Variants in CDHR5 observed in about 807,000 individuals in gnomAD.
CDHR5 encodes the protein cadherin related family member 5, also known as cadherin-related family member 5.
CDHR5 carries 82 observed loss-of-function variants against 69.5 expected under a neutral mutation model. The ratio of observed to expected loss-of-function variants is 1.18; its 90% CI spans 0.99 to 1.42. The LOEUF (loss-of-function observed/expected upper bound fraction) is 1.42. Among genes scored for constraint, CDHR5 ranks in the 40% most tolerant of loss-of-function variants. The probability of loss-of-function intolerance (pLI) is 0.00; values close to 1 mark genes in which losing one functional copy is unlikely to be tolerated. For synonymous variants in CDHR5, 601 were observed against 510.2 expected, an observed-to-expected ratio of 1.18 and a Z score of -2.40; for missense variants, 1,293 against 1,168.9, an observed-to-expected ratio of 1.11 and a Z score of -1.55.
At position 624,782 on chromosome 11, in the gene CDHR5, G is replaced by A. The variant is rs771823611; in HGVS notation, c.85+36C>T. The A allele has an allele frequency of 1.5e-5, 24 of 1,603,936 alleles. No individual in the cohort carries two copies. Among genetic ancestry groups the A allele is most frequent in the Non-Finnish European group, 1.9e-5 (22 of 1,173,974 alleles). Reference sequence around the variant, plus strand: ...AGTGCCTCCCAGCCCCTGGCTCCCCGCCGCCCGTGCCCCACCTACCCCTGC... The same window carrying A: ...AGTGCCTCCCAGCCCCTGGCTCCCCACCGCCCGTGCCCCACCTACCCCTGC... On this transcript the variant is annotated intron_variant, in intron 1 of 14. Transcript: ENST00000397542. The surrounding 1 kb of genome is among the most constrained non-coding windows in gnomAD (Gnocchi z 5.3).
Position 621,502 on chromosome 11 carries a change from G to C in CDHR5, c.508-47C>G. 1 of 1,592,230 alleles carries C rather than the reference G, an allele frequency of 6.3e-7. No individual in the cohort carries two copies. Among genetic ancestry groups the C allele is most frequent in the Non-Finnish European group, 8.6e-7 (1 of 1,160,376 alleles). On this transcript the variant is annotated intron_variant, in intron 5 of 14. Transcript: ENST00000397542. This position sits in a 1 kb window ranked among gnomAD's most constrained non-coding sequence, Gnocchi z 4.4. ...AGAGCCTAAGAGCCTTGGAGGGCGA[G>C]GGCGGCTGTGGGTGTCAGAGGCGAG...
rs763708001 is a variant in CDHR5, at chr11:617,485, C to T, written c.2404G>A (p.Asp802Asn). ...WFGEDIGTEA[D>N]VVVLNAPTLD... The stretch of plus-strand genomic sequence containing the variant: ...GTGGGCGCGTTGAGAACGACCACGT[C>T]TGCCTCCGTCCCGATGTCCTCGCCA... Residue 802 changes from aspartate (D) to asparagine (N), a missense_variant, in exon 15 of 15, where the codon GAC becomes AAC. Asp to Asn is a conservative substitution (Grantham distance 23). Coordinates refer to ENST00000397542, the MANE Select transcript of CDHR5 (RefSeq NM_021924.5). 1 of 1,612,748 alleles carries T rather than the reference C, an allele frequency of 6.2e-7. No homozygotes were observed. Among genetic ancestry groups the T allele is most frequent in the Non-Finnish European group, 8.5e-7 (1 of 1,179,868 alleles).
At position 619,407 on chromosome 11, in the gene CDHR5, C is replaced by T. The variant is rs750918570; in HGVS notation, c.1294-17G>A. 12 of 1,611,070 alleles carry T rather than the reference C, an allele frequency of 7.4e-6. No individual in the cohort carries two copies. In the South Asian group the frequency reaches 1.3e-4, roughly 18 times the overall value. ...GGCCTCAACCTGGGGCAGGAAGGGGCTTGTCCCTCCTAGACACATCTTTAA... is the reference window on the plus strand; with the variant it reads ...GGCCTCAACCTGGGGCAGGAAGGGGTTTGTCCCTCCTAGACACATCTTTAA... On this transcript the variant is annotated splice_polypyrimidine_tract_variant and intron_variant, in intron 11 of 14. Coordinates refer to ENST00000397542, the MANE Select transcript of CDHR5 (RefSeq NM_021924.5).
rs757156059 is a variant in CDHR5, at chr11:617,446, C to G, written c.2443G>C (p.Gly815Arg). The G allele has an allele frequency of 3.7e-5, 60 of 1,612,414 alleles. No homozygotes were observed. Among genetic ancestry groups the G allele is most frequent in the Non-Finnish European group, 4.2e-6 (5 of 1,179,728 alleles). ...VLNAPTLDVD[G>R]ASDSGSGDEG... ...TCGCCGCTGCCGGAGTCACTGGCGC[C>G]ATCCACGTCCAGGGTGGGCGCGTTG... The change falls in exon 15 of 15, where the codon GGC (glycine) becomes CGC (arginine). Residue 815 changes from glycine (G) to arginine (R), a missense_variant. Gly to Arg is a moderately radical substitution (Grantham distance 125, BLOSUM62 -2). Transcript: ENST00000397542.
At position 624,036 on chromosome 11, in the gene CDHR5, G is replaced by A. The variant is rs901058433; in HGVS notation, c.312+177C>T. 2.0e-5 allele frequency among the ~76,000 whole-genome samples: 3 copies of A among 152,042 alleles called. No homozygotes were observed. Among genetic ancestry groups the A allele is most frequent in the Non-Finnish European group, 2.9e-5 (2 of 67,978 alleles). Reference sequence around the variant, plus strand: ...GTCTGCTGGACAAGGGGTCAGTGACGGGGACTCCACAGCTCAGGGCAGAGT... The same window carrying A: ...GTCTGCTGGACAAGGGGTCAGTGACAGGGACTCCACAGCTCAGGGCAGAGT... On this transcript the variant is annotated intron_variant, in intron 3 of 14. Coordinates refer to ENST00000397542, the MANE Select transcript of CDHR5 (RefSeq NM_021924.5). The surrounding 1 kb of genome is among the most constrained non-coding windows in gnomAD (Gnocchi z 5.3).
chr11:620,527 A>G (rs1857311754), intron 7 of CDHR5, 141 bp from the exon 8 acceptor site: 3 of 598,192 alleles, frequency 5.0e-6, no homozygotes, highest in African/African-American at 3.7e-5. Flanking sequence ...CTGCCTGCCT[A>G]GGACAGTCCC....
chr11:618,399 C>T lies in CDHR5; in HGVS notation c.1960+200G>A, dbSNP rs117609058. Among the ~76,000 whole-genome samples the T allele has an allele frequency of 3.9e-4, 59 of 152,360 alleles. No individual in the cohort carries two copies. The East Asian group carries it at 7.7e-3, about 20-fold the overall frequency. ...GAATCGTGGGATTCGCTGGACCCCA[C>T]ATCTGGCCTCTGTCCTACACACATC... On this transcript the variant is annotated intron_variant, in intron 13 of 14. Transcript: ENST00000397542.
intron 3 of CDHR5, among the ~76,000 whole-genome samples, 175 bp from the exon 4 acceptor site, chr11:622,079 C>G (rs1392696786): frequency 6.6e-6 from 1 of 151,428 alleles, no homozygotes; most frequent in African/African-American, 2.4e-5. Flanking sequence ...GTGAGGTGCA[C>G]CCCTCAACGG....
rs1857343462 is a variant in CDHR5, at chr11:621,014, G to A, written c.789+66C>T. ...ACCCCGCCCTTCCTCTCCTGATCCT[G>A]GCCGTCCCTGTGTCCAGCCTGCCTA... On this transcript the variant is annotated intron_variant, in intron 7 of 14. Coordinates refer to ENST00000397542, the MANE Select transcript of CDHR5 (RefSeq NM_021924.5). This position sits in a 1 kb window ranked among gnomAD's most constrained non-coding sequence, Gnocchi z 4.4. 8.7e-7 allele frequency: 1 copy of A among 1,144,318 alleles called. No individual in the cohort carries two copies. The highest frequency in any genetic ancestry group is 1.6e-5 in the African/African-American group (1 of 63,778). The allele number at this position is 1,144,318 out of a possible 1,614,324, so 70.9% of individuals were successfully genotyped here. A position where few individuals can be genotyped will look rare whatever the true frequency, so the allele number is the denominator to read the frequency against.
In CDHR5 at chr11:617,644, G is replaced by A. The variant is rs1371905105; in HGVS notation, c.2245C>T (p.Pro749Ser). 2 of 1,557,316 alleles carry A rather than the reference G, an allele frequency of 1.3e-6. No homozygotes were observed. Among genetic ancestry groups the A allele is most frequent in the Non-Finnish European group, 8.7e-7 (1 of 1,154,118 alleles). ...AEAPMPAEPA[P>S]PGPASPGGAP... is the part of the protein sequence containing the mutation. ...CCGCCTGGGGAGGCAGGGCCGGGGGGTGCGGGCTCTGCGGGCATCGGTGCC... is the reference window on the plus strand; with the variant it reads ...CCGCCTGGGGAGGCAGGGCCGGGGGATGCGGGCTCTGCGGGCATCGGTGCC... Residue 749 changes from proline to serine, a missense_variant, in exon 15 of 15, where the codon CCC becomes TCC. By Grantham distance (74) the Pro-to-Ser change is moderately conservative. Transcript: ENST00000397542.
rs1371905105 is a variant in CDHR5, at chr11:617,644, G to T, written c.2245C>A (p.Pro749Thr). Residue 749 changes from proline to threonine, a missense_variant, in exon 15 of 15, where the codon CCC becomes ACC. Coordinates refer to ENST00000397542, the MANE Select transcript of CDHR5 (RefSeq NM_021924.5). ...AEAPMPAEPA[P>T]PGPASPGGAP... Reference sequence around the variant, plus strand: ...CCGCCTGGGGAGGCAGGGCCGGGGGGTGCGGGCTCTGCGGGCATCGGTGCC... The same window carrying T: ...CCGCCTGGGGAGGCAGGGCCGGGGGTTGCGGGCTCTGCGGGCATCGGTGCC... 7.1e-6 allele frequency: 11 copies of T among 1,557,200 alleles called. No homozygotes were observed. In the South Asian group the frequency reaches 9.3e-5, roughly 13 times the overall value.
chr11:619,725 G>A lies in CDHR5; in HGVS notation c.1135C>T (p.Pro379Ser). 1 of 1,612,916 alleles carries A rather than the reference G, an allele frequency of 6.2e-7. No individual in the cohort carries two copies. The highest frequency in any genetic ancestry group is 8.5e-7 in the Non-Finnish European group (1 of 1,179,994). The change falls in exon 10 of 15, where the codon CCT (proline) becomes TCT (serine). Residue 379 changes from proline (P) to serine (S), a missense_variant. Coordinates refer to ENST00000397542, the MANE Select transcript of CDHR5 (RefSeq NM_021924.5). ...AGVVVKDAAA[P>S]SQPLRIQAQD... ...GCCTGGATCCTCAGAGGCTGAGAAG[G>A]GGCAGCTGCATCCTTGACCACAACG...
At position 617,970 on chromosome 11, in the gene CDHR5, C is replaced by A. The variant is rs1288940650; in HGVS notation, c.2102G>T (p.Cys701Phe). ...GGGCCTCACCGGAGCTTTGCCACAG[C>A]AGCACTTGAGCCGGGGGCCATAGTG... ...HKHYGPRLKCCCGKAPEPQPQ... is the reference protein window; with the variant it reads ...HKHYGPRLKCFCGKAPEPQPQ... Residue 701 changes from cysteine (C) to phenylalanine (F), a missense_variant, in exon 14 of 15, where the codon TGC becomes TTC. Physicochemically the swap from Cys to Phe is radical, Grantham distance 205 (BLOSUM62 -2). Transcript: ENST00000397542. The A allele has an allele frequency of 1.2e-6, 2 of 1,611,702 alleles. No individual in the cohort carries two copies. Among genetic ancestry groups the A allele is most frequent in the Non-Finnish European group, 1.7e-6 (2 of 1,179,662 alleles).
Position 623,741 on chromosome 11 carries a change from G to C in CDHR5, c.312+472C>G, listed in dbSNP as rs554386605. ...CGTGGAGTGGACTGGGGCCAGCAAA[G>C]GGCAACAGGGAAGCCGGTGGGCCAG... On this transcript the variant is annotated intron_variant, in intron 3 of 14. Transcript: ENST00000397542. Among the ~76,000 whole-genome samples, 88 of 152,274 alleles carry C rather than the reference G, an allele frequency of 5.8e-4. No homozygotes were observed. In the South Asian group the frequency reaches 8.1e-3, roughly 14 times the overall value.
intron 7 of CDHR5, 84 bp downstream of exon 7, chr11:620,996 C>CCCCCCCCCCCAA: frequency 1.9e-6 from 2 of 1,032,878 alleles, no homozygotes; most frequent in Non-Finnish European, 2.7e-6. Context: ...CCGACCCCGC[C>CCCCCCCCCCCAA]CTTCCTCTCC....
At position 618,553 on chromosome 11, in the gene CDHR5, G is replaced by C. The variant is rs781718945; in HGVS notation, c.1960+46C>G. The C allele has an allele frequency of 2.3e-5, 37 of 1,603,238 alleles. No individual in the cohort carries two copies. In the South Asian group the frequency reaches 4.0e-4, roughly 17 times the overall value. On this transcript the variant is annotated intron_variant, in intron 13 of 14. Coordinates refer to ENST00000397542, the MANE Select transcript of CDHR5 (RefSeq NM_021924.5). The stretch of plus-strand genomic sequence containing the variant: ...CCTTCCTACAGCGTTTCCCATACCA[G>C]CCAATGACCGGAGTCAGGGAGGGAA...
In CDHR5 at chr11:620,127, C is replaced by A; in HGVS notation, c.918G>T (p.Ser306=). Residue 306 remains serine, a synonymous_variant, in exon 9 of 15, where the codon TCG becomes TCT. Coordinates refer to ENST00000397542, the MANE Select transcript of CDHR5 (RefSeq NM_021924.5). ...VNGTFIIHPD[S]GNLTVARSVP... Reference sequence around the variant, plus strand: ...CACTCCTGGCCACGGTGAGGTTGCCCGAGTCTGGGTGGATGATGAATGTAC... The same window carrying A: ...CACTCCTGGCCACGGTGAGGTTGCCAGAGTCTGGGTGGATGATGAATGTAC... The A allele has an allele frequency of 6.2e-7, 1 of 1,613,364 alleles. No homozygotes were observed. Among genetic ancestry groups the A allele is most frequent in the Non-Finnish European group, 8.5e-7 (1 of 1,179,762 alleles).
rs1857383906 is a variant in CDHR5 at position 621,483 on chromosome 11, T to C, written c.508-28A>G. 1 of 1,603,118 alleles carries C rather than the reference T, an allele frequency of 6.2e-7. No homozygotes were observed. Among genetic ancestry groups the C allele is most frequent in the Non-Finnish European group, 8.5e-7 (1 of 1,170,746 alleles). ...GGGGAGGGTCAGGGAGGACAGAGCC[T>C]AAGAGCCTTGGAGGGCGAGGGCGGC... On this transcript the variant is annotated intron_variant, in intron 5 of 14. Transcript: ENST00000397542. The surrounding 1 kb of genome is among the most constrained non-coding windows in gnomAD (Gnocchi z 4.4).
At chr11:619,256 A>G in intron 12 of CDHR5, 50 bp downstream of exon 12, 1 of 1,498,936 alleles carries the variant, frequency 6.7e-7, no homozygotes, top group Non-Finnish European at 9.2e-7. Context: ...GAGCCACCGA[A>G]GGGGCTTATT....
Sources: allele counts gnomAD v4.1 joint callset (sites outside exome capture counted in the v4.1 genomes callset), GRCh38; gene constraint gnomAD v4.1.1; non-coding constraint Gnocchi (gnomAD v3.1); transcripts MANE v1.5; gene names NCBI Gene and HGNC (gene_info 2026-07-23, HGNC 2026-07-21).